The following CCDC171 variants were observed in gnomAD, a reference collection of about 807,000 sequenced individuals.
CCDC171 encodes coiled-coil domain containing 171.
CCDC171 carries 177 observed loss-of-function variants against 168.2 expected under a neutral mutation model. The observed-to-expected ratio is 1.05, with a 90% CI of 0.93 to 1.19. CCDC171 has a LOEUF of 1.19. Ranked by LOEUF, CCDC171 falls within the 50% of genes most tolerant of loss-of-function variation. The pLI, the probability that CCDC171 is intolerant of heterozygous loss-of-function variation, is 0.00. For missense variants in CCDC171, 1,991 were observed against 1,539.0 expected (o/e 1.29, Z -4.91); for synonymous variants, 687 against 540.8 (o/e 1.27, Z -3.75).
At chr9:15,833,682 G>A (rs1163086773) in intron 21 of CCDC171, among the ~76,000 whole-genome samples, 1 of 152,080 alleles carries the variant, frequency 6.6e-6, no homozygotes, top group African/African-American at 2.4e-5. Context: ...GAGGCTTAAG[G>A]GACTATGTAA....
At chr9:15,914,925 C>T (rs541089893) in intron 24 of CCDC171, among the ~76,000 whole-genome samples, 15 of 152,166 alleles carry the variant, frequency 9.9e-5, no homozygotes, top group Admixed American at 2.0e-4. Context: ...TTGTGCTTCC[C>T]GGGTGAGGTG....
At chr9:15,633,146 G>T (rs2045883070) in intron 7 of CCDC171, among the ~76,000 whole-genome samples, 1 of 152,076 alleles carries the variant, frequency 6.6e-6, no homozygotes, top group Non-Finnish European at 1.5e-5. Context: ...CAAAAGCAAT[G>T]GCAAGAAAAG....
intron 21 of CCDC171, among the ~76,000 whole-genome samples, chr9:15,804,849 C>G (rs1022309097): frequency 2.6e-5 from 4 of 151,934 alleles, no homozygotes; most frequent in Non-Finnish European, 5.9e-5. Context: ...TTCTTTGTAC[C>G]CCTGGTAGAA....
chr9:16,021,587 C>G (rs1453714588), intron 4 of CCDC171, among the ~76,000 whole-genome samples: 1 of 152,172 alleles, frequency 6.6e-6, no homozygotes, highest in African/African-American at 2.4e-5. Flanking sequence ...TGCTTAATCT[C>G]TCTAAGATTC....
intron 10 of CCDC171, among the ~76,000 whole-genome samples, chr9:15,694,874 G>T (rs1199342921): frequency 6.6e-6 from 1 of 152,198 alleles, no homozygotes; most frequent in Admixed American, 6.5e-5. Flanking sequence ...CTTGCCATAT[G>T]ACTGTAGTCA....
intron 18 of CCDC171, among the ~76,000 whole-genome samples, chr9:15,749,230 A>G (rs1219357361): frequency 1.3e-5 from 2 of 152,216 alleles, no homozygotes; most frequent in Non-Finnish European, 2.9e-5. Flanking sequence ...AAAGAAGGCC[A>G]TTACATAATG....
intron 24 of CCDC171, among the ~76,000 whole-genome samples, chr9:15,882,448 A>G (rs1818774125): frequency 6.6e-6 from 1 of 152,104 alleles, no homozygotes; most frequent in African/African-American, 2.4e-5. Flanking sequence ...AACTTGATGT[A>G]ATCCCATTTT....
chr9:15,705,488 G>A (rs184626604), intron 11 of CCDC171, among the ~76,000 whole-genome samples: 4 of 152,276 alleles, frequency 2.6e-5, no homozygotes, highest in Admixed American at 1.3e-4. Flanking sequence ...TGCCAAGCAT[G>A]CTTTTGCCTT....
At chr9:16,065,263 A>G (rs1261895415), downstream of CCDC171, among the ~76,000 whole-genome samples, 2 of 152,154 alleles carry the variant, frequency 1.3e-5, no homozygotes, top group East Asian at 3.8e-4. Flanking sequence ...AGCTTATCAC[A>G]TTCTCCATTA....
chr9:15,822,776 G>C (rs907852564), intron 21 of CCDC171, among the ~76,000 whole-genome samples: 1 of 152,140 alleles, frequency 6.6e-6, no homozygotes, highest in Non-Finnish European at 1.5e-5. Flanking sequence ...AGTCAGTGTG[G>C]TGATTCCTCA....
chr9:15,834,608 T>C (rs1213729194), intron 21 of CCDC171, among the ~76,000 whole-genome samples: 2 of 152,224 alleles, frequency 1.3e-5, no homozygotes, highest in East Asian at 1.9e-4. Flanking sequence ...TTTGATCTTA[T>C]GGAGTGCTGG....
At chr9:15,810,918 T>C (rs2059326313) in intron 21 of CCDC171, among the ~76,000 whole-genome samples, 1 of 152,254 alleles carries the variant, frequency 6.6e-6, no homozygotes, top group South Asian at 2.1e-4. Context: ...GAGGAGGTGC[T>C]GAGAGCGAGC....
At chr9:15,626,428 T>C (rs567516056) in intron 7 of CCDC171, among the ~76,000 whole-genome samples, 119 of 152,278 alleles carry the variant, frequency 7.8e-4, no homozygotes, top group African/African-American at 2.7e-3. Flanking sequence ...TTTGCCCATT[T>C]AGTATGATAT....
chr9:15,711,588 C>T (rs1475266541), intron 11 of CCDC171, among the ~76,000 whole-genome samples: 1 of 151,950 alleles, frequency 6.6e-6, no homozygotes, highest in East Asian at 1.9e-4. Context: ...AAGATAAGAA[C>T]ATGTAAAGCT....
intron 3 of CCDC171, among the ~76,000 whole-genome samples, chr9:16,016,416 AG>A (rs1833019022): frequency 6.6e-6 from 1 of 152,136 alleles, no homozygotes; most frequent in Non-Finnish European, 1.5e-5. Context: ...ATATATATTT[AG>A]TGAATGAATG....
chr9:15,927,273 G>C (rs1452842703), intron 25 of CCDC171, among the ~76,000 whole-genome samples: 1 of 151,624 alleles, frequency 6.6e-6, no homozygotes, highest in Non-Finnish European at 1.5e-5. Flanking sequence ...GACTGCTCCA[G>C]AGCTTTTATC....
rs993791582 is a variant in CCDC171, at chr9:15,911,846, T to C, written c.3601-8424T>C. ...TTGTTTTTGTCAGGTTTGTCAAAGA[T>C]CAGATGGTTGTAGATGTGTGGTGTT... is the stretch of plus-strand genomic sequence containing the variant. On this transcript the variant is annotated intron_variant, in intron 24 of 25. Transcript: ENST00000380701. Among the ~76,000 whole-genome samples the C allele has an allele frequency of 3.3e-5, 5 of 152,330 alleles. No individual in the cohort carries two copies. The South Asian group carries it at 1.0e-3, about 32-fold the overall frequency.
At chr9:15,623,504 CA>C in intron 7 of CCDC171, 91 bp downstream of exon 7, 1 of 669,096 alleles carries the variant, frequency 1.5e-6, no homozygotes, top group Non-Finnish European at 2.3e-6. Context: ...CACACACACA[CA>C]CATAAAACCC....
At chr9:15,946,878 T>C (rs916284680) in intron 25 of CCDC171, among the ~76,000 whole-genome samples, 7 of 152,038 alleles carry the variant, frequency 4.6e-5, no homozygotes, top group Non-Finnish European at 1.0e-4. Context: ...AGATATGTTG[T>C]TAAATGCTTG....
Sources: gnomAD v4.1 joint callset for allele counts (sites outside exome capture counted in the v4.1 genomes callset) on GRCh38, gnomAD v4.1.1 for gene constraint, MANE v1.5 for transcripts, NCBI Gene and HGNC (gene_info 2026-07-23, HGNC 2026-07-21) for gene names.